The following MTOR variants were observed in gnomAD, a reference collection of about 807,000 sequenced individuals.
The protein encoded by MTOR is mechanistic target of rapamycin kinase.
MTOR carries 70 observed loss-of-function variants against 319.8 expected under a neutral mutation model. The observed-to-expected ratio is 0.22, with a 90% CI of 0.18 to 0.27. The LOEUF (loss-of-function observed/expected upper bound fraction) is 0.27. MTOR is among the 10% of genes least tolerant of loss of function. The pLI is 1.00. For missense variants in MTOR, 1,890 were observed against 3,274.4 expected (o/e 0.58, Z 10.32); for synonymous variants, 1,183 against 1,211.4 (o/e 0.98, Z 0.49).
intron 29 of MTOR, among the ~76,000 whole-genome samples, chr1:11,165,318 G>C (rs944492579): frequency 2.6e-5 from 4 of 152,100 alleles, no homozygotes; most frequent in African/African-American, 9.7e-5. Context: ...CTGTTTGCAG[G>C]TGACATGATT....
In MTOR at chr1:11,115,297, A is replaced by G; in HGVS notation, c.7089+99T>C. The G allele has an allele frequency of 8.7e-7, 1 of 1,145,924 alleles. No individual in the cohort carries two copies. The highest frequency in any genetic ancestry group is 1.3e-6 in the Non-Finnish European group (1 of 757,736). The allele number at this position is 1,145,924 out of a possible 1,614,324, so 71.0% of individuals were successfully genotyped here. A position where few individuals can be genotyped will look rare whatever the true frequency, so the allele number is the denominator to read the frequency against. The stretch of plus-strand genomic sequence containing the variant: ...CTTGGTAGGGCCAGCAGGGGTTAAG[A>G]GTAAGGCAGTTTGGGCTTAAGTCTG... On this transcript the variant is annotated intron_variant, in intron 51 of 57. Coordinates refer to ENST00000361445, the MANE Select transcript of MTOR (RefSeq NM_004958.4). The surrounding 1 kb of genome is among the most constrained non-coding windows in gnomAD (Gnocchi z 4.5).
chr1:11,147,559 A>C (rs1045041574), intron 31 of MTOR, among the ~76,000 whole-genome samples: 3 of 152,224 alleles, frequency 2.0e-5, no homozygotes, highest in Non-Finnish European at 4.4e-5. Context: ...CTCACTCCAG[A>C]CCATCGGCTC....
At chr1:11,191,686 T>C (rs1645537082) in intron 28 of MTOR, among the ~76,000 whole-genome samples, 1 of 152,208 alleles carries the variant, frequency 6.6e-6, no homozygotes, top group Admixed American at 6.5e-5. Context: ...ACAAAACTTC[T>C]GGGAGGAAGG....
intron 12 of MTOR, 25 bp from the exon 13 acceptor site, chr1:11,238,073 ACATTTCCT>A: frequency 1.2e-6 from 2 of 1,610,454 alleles, no homozygotes; most frequent in Non-Finnish European, 1.7e-6. Context: ...GAGCCTTTGA[ACATTTCCT>A]CATGATCCCA....
At position 11,212,937 on chromosome 1, in the gene MTOR, G is replaced by A; in HGVS notation, c.3286-29C>T. ...CAAAAGGGAGCAAAAGCATGGTGATGAATAGTCAGGTCCCAAGTATCTAAG... is the reference window on the plus strand; with the variant it reads ...CAAAAGGGAGCAAAAGCATGGTGATAAATAGTCAGGTCCCAAGTATCTAAG... On this transcript the variant is annotated intron_variant, in intron 21 of 57. Coordinates refer to ENST00000361445, the MANE Select transcript of MTOR (RefSeq NM_004958.4). This position sits in a 1 kb window ranked among gnomAD's most constrained non-coding sequence, Gnocchi z 4.1. 6.4e-7 allele frequency: 1 copy of A among 1,557,576 alleles called. No homozygotes were observed. Among genetic ancestry groups the A allele is most frequent in the East Asian group, 2.2e-5 (1 of 44,578 alleles).
intron 29 of MTOR, among the ~76,000 whole-genome samples, chr1:11,161,406 T>C (rs1054180531): frequency 6.6e-6 from 1 of 152,138 alleles, no homozygotes; most frequent in Non-Finnish European, 1.5e-5. Context: ...CAGACTTAAA[T>C]GTCCCCGTCT....
At chr1:11,155,284 A>C (rs1644282219) in intron 30 of MTOR, among the ~76,000 whole-genome samples, 1 of 152,202 alleles carries the variant, frequency 6.6e-6, no homozygotes, top group African/African-American at 2.4e-5. Context: ...TTGTTAAGTG[A>C]AAACAGCAGA....
chr1:11,233,084 A>T (rs1046975579), intron 15 of MTOR: 23 of 1,112,306 alleles, frequency 2.1e-5, no homozygotes, highest in Non-Finnish European at 3.0e-5. Flanking sequence ...ACTCCAAAAA[A>T]AGACACTGGA....
chr1:11,225,999 C>T (rs1389278554), intron 19 of MTOR, among the ~76,000 whole-genome samples: 4 of 152,092 alleles, frequency 2.6e-5, no homozygotes, highest in Admixed American at 2.0e-4. Flanking sequence ...CAATCAAGAA[C>T]ACAGATCCAA....
intron 26 of MTOR, among the ~76,000 whole-genome samples, chr1:11,202,160 T>A (rs1645991125): frequency 6.6e-6 from 1 of 152,144 alleles, no homozygotes; most frequent in Non-Finnish European, 1.5e-5. Context: ...CCGGGCACAG[T>A]GGCTCATGCC....
intron 19 of MTOR, among the ~76,000 whole-genome samples, chr1:11,216,819 G>GATTA (rs1646487235): frequency 6.6e-6 from 1 of 152,152 alleles, no homozygotes; most frequent in African/African-American, 2.4e-5. Context: ...GGAAAATGGA[G>GATTA]ATAATAATAC....
At chr1:11,235,520 T>C (rs1647174554) in intron 13 of MTOR, among the ~76,000 whole-genome samples, 1 of 152,178 alleles carries the variant, frequency 6.6e-6, no homozygotes, top group South Asian at 2.1e-4. Flanking sequence ...TACCAAGGCA[T>C]GAAAATGTAC....
Position 11,107,516 on chromosome 1 carries a change from G to A in MTOR, c.7635-16C>T, listed in dbSNP as rs1210835502. On this transcript the variant is annotated splice_polypyrimidine_tract_variant and intron_variant, in intron 57 of 57. Coordinates refer to ENST00000361445, the MANE Select transcript of MTOR (RefSeq NM_004958.4). ...GAAAGGGCACCTAAGAAGGCAGAAA[G>A]AAAAGGAATATTTTAATAATTTGAG... The A allele has an allele frequency of 1.2e-6, 2 of 1,611,966 alleles. No homozygotes were observed. Among genetic ancestry groups the A allele is most frequent in the African/African-American group, 2.7e-5 (2 of 74,854 alleles).
rs529264211 is a variant in MTOR, at chr1:11,147,573, C to T, written c.4571-782G>A. Among the ~76,000 whole-genome samples the T allele has an allele frequency of 7.2e-5, 11 of 152,340 alleles. No homozygotes were observed. In the South Asian group the frequency reaches 2.3e-3, roughly 32 times the overall value. ...TCTCACTCCAGACCATCGGCTCATC[C>T]ATTCTCTATGCCTCTGGGCACAAGC... On this transcript the variant is annotated intron_variant, in intron 31 of 57. Coordinates refer to ENST00000361445, the MANE Select transcript of MTOR (RefSeq NM_004958.4).
chr1:11,205,494 A>G (rs1181998595), intron 25 of MTOR, among the ~76,000 whole-genome samples: 5 of 152,226 alleles, frequency 3.3e-5, no homozygotes, highest in Admixed American at 3.3e-4. Flanking sequence ...TTAAGTTAAT[A>G]AATGTAATGA....
chr1:11,229,933 T>C (rs1646963614), intron 18 of MTOR, among the ~76,000 whole-genome samples: 1 of 151,850 alleles, frequency 6.6e-6, no homozygotes. Context: ...GCCACTGTAC[T>C]TCAGCCTGGG....
intron 46 of MTOR, among the ~76,000 whole-genome samples, chr1:11,126,347 C>T (rs961467238): frequency 1.3e-5 from 2 of 152,232 alleles, no homozygotes; most frequent in African/African-American, 4.8e-5. Flanking sequence ...TCTCCAACAC[C>T]TGCCTTCCAC....
intron 29 of MTOR, among the ~76,000 whole-genome samples, chr1:11,158,841 T>A (rs911592484): frequency 5.3e-5 from 8 of 151,898 alleles, no homozygotes; most frequent in Non-Finnish European, 1.0e-4. Flanking sequence ...TGAATTGCAA[T>A]AGATTGCAGA....
At chr1:11,123,014 G>T (rs1428704108) in intron 47 of MTOR, among the ~76,000 whole-genome samples, 3 of 152,108 alleles carry the variant, frequency 2.0e-5, no homozygotes. Context: ...GAATTCTCAT[G>T]GTTTTAACAG....
Sources: gnomAD v4.1 joint callset for allele counts (sites outside exome capture counted in the v4.1 genomes callset) on GRCh38, gnomAD v4.1.1 for gene constraint, Gnocchi (gnomAD v3.1) non-coding constraint, MANE v1.5 for transcripts, NCBI Gene and HGNC (gene_info 2026-07-23, HGNC 2026-07-21) for gene names.